Variants in AK7 observed in about 807,000 individuals in gnomAD.
AK7 encodes ATP-AMP transphosphorylase 7.
AK7 carries 78 observed loss-of-function variants against 96.6 expected under a neutral mutation model. The observed-to-expected ratio is 0.81, with a 90% CI of 0.67 to 0.97. The LOEUF (loss-of-function observed/expected upper bound fraction) is 0.97. Ranked by LOEUF, AK7 falls within the 50% of genes least tolerant of loss-of-function variation. The pLI is 0.00. For synonymous variants in AK7, 302 were observed against 317.2 expected, an observed-to-expected ratio of 0.95 and a Z score of 0.51; for missense variants, 855 against 887.9, an observed-to-expected ratio of 0.96 and a Z score of 0.47.
intron 17 of AK7, chr14:96,488,027 C>A: frequency 4.9e-6 from 2 of 406,224 alleles, no homozygotes; most frequent in African/African-American, 2.1e-5. Context: ...ATTCTCCTGC[C>A]TTAGCCTCCC....
At chr14:96,488,109 C>G (rs1252148746) in intron 17 of AK7, 196 bp from the exon 18 acceptor site, 1 of 448,998 alleles carries the variant, frequency 2.2e-6, no homozygotes, top group Non-Finnish European at 4.2e-6. Context: ...GAGGAAGTTT[C>G]ACCATGTTGA....
At chr14:96,440,046 A>G (rs886392246) in intron 6 of AK7, among the ~76,000 whole-genome samples, 34 of 152,136 alleles carry the variant, frequency 2.2e-4, no homozygotes, top group African/African-American at 8.2e-4. Flanking sequence ...TGCAATCTCA[A>G]CTCACTGCAA....
intron 4 of AK7, among the ~76,000 whole-genome samples, chr14:96,413,096 G>C (rs1215644866): frequency 6.6e-6 from 1 of 152,144 alleles, no homozygotes; most frequent in Non-Finnish European, 1.5e-5. Flanking sequence ...AGTTGGGAGG[G>C]AGTTGATTCT....
chr14:96,419,784 CTTTTCTTTTTTT>C (rs1891566257), intron 4 of AK7, among the ~76,000 whole-genome samples: 1 of 101,714 alleles, frequency 9.8e-6, no homozygotes, highest in African/African-American at 4.7e-5. Context: ...TTTTTTCTTT[CTTTTCTTTTTTT>C]TTTTTTTTTG....
chr14:96,467,077 T>C (rs55981844), intron 12 of AK7, among the ~76,000 whole-genome samples: 33,428 of 147,772 alleles, frequency 0.23, 4,661 homozygotes, highest in Non-Finnish European at 0.31. Context: ...AAGGTTCTCA[T>C]AAACACAAAC....
chr14:96,470,775 C>T (rs1894840030), intron 12 of AK7, among the ~76,000 whole-genome samples: 1 of 152,154 alleles, frequency 6.6e-6, no homozygotes, highest in Non-Finnish European at 1.5e-5. Context: ...AACATGAATG[C>T]TATCTCACAA....
At chr14:96,424,178 G>C (rs1377119611) in intron 5 of AK7, 1 of 603,680 alleles carries the variant, frequency 1.7e-6, no homozygotes, top group African/African-American at 1.9e-5. Context: ...CTTCCTGAAG[G>C]CTCCAGGGCC....
chr14:96,403,237 G>A (rs1457318085), intron 2 of AK7, among the ~76,000 whole-genome samples: 2 of 152,084 alleles, frequency 1.3e-5, no homozygotes, highest in Non-Finnish European at 2.9e-5. Flanking sequence ...ATGGCACACA[G>A]GTAGAACATC....
chr14:96,403,825 A>G (rs996418850), intron 2 of AK7, among the ~76,000 whole-genome samples: 1 of 152,156 alleles, frequency 6.6e-6, no homozygotes, highest in Admixed American at 6.6e-5. Flanking sequence ...ACTGGTATTC[A>G]TGCAGCAAGG....
At chr14:96,408,125 GAGTGGGAAGGGT>G (rs1248261949) in intron 3 of AK7, among the ~76,000 whole-genome samples, 1 of 152,214 alleles carries the variant, frequency 6.6e-6, no homozygotes, top group Non-Finnish European at 1.5e-5. Flanking sequence ...CCCAGGGGTG[GAGTGGGAAGGGT>G]GGGCACACCC....
intron 2 of AK7, 196 bp downstream of exon 2, chr14:96,398,459 A>G: frequency 1.6e-6 from 1 of 610,916 alleles, no homozygotes; most frequent in South Asian, 2.0e-5. Context: ...CAAAGCAAAG[A>G]GTTTAAATTA....
chr14:96,418,636 A>T (rs765862078), intron 4 of AK7, among the ~76,000 whole-genome samples: 5 of 152,032 alleles, frequency 3.3e-5, no homozygotes, highest in Admixed American at 6.6e-5. Context: ...CTCCTGCCTC[A>T]GCCTCCCGAG....
chr14:96,446,980 A>G (rs955573133), intron 8 of AK7, among the ~76,000 whole-genome samples: 3 of 152,154 alleles, frequency 2.0e-5, no homozygotes, highest in African/African-American at 7.2e-5. Context: ...AAATAAATTA[A>G]AAAGTTTTGC....
In AK7 at chr14:96,458,073, T is replaced by C; in HGVS notation, c.1228-10T>C. The C allele has an allele frequency of 6.2e-7, 1 of 1,611,770 alleles. No individual in the cohort carries two copies. The highest frequency in any genetic ancestry group is 8.5e-7 in the Non-Finnish European group (1 of 1,179,080). ...GCATCATCCAATGTGAATATCCCTG[T>C]GGTATGCAGGAGGCGATTGTTGCCC... On this transcript the variant is annotated splice_polypyrimidine_tract_variant and intron_variant, in intron 11 of 17. Transcript: ENST00000267584.
intron 6 of AK7, among the ~76,000 whole-genome samples, chr14:96,438,741 G>A (rs905603749): frequency 5.3e-5 from 8 of 152,182 alleles, no homozygotes; most frequent in Non-Finnish European, 1.0e-4. Flanking sequence ...TAAAAGGACA[G>A]CTTTCTCCTT....
intron 4 of AK7, among the ~76,000 whole-genome samples, chr14:96,412,045 G>A (rs187488073): frequency 1.1e-4 from 16 of 152,178 alleles, no homozygotes; most frequent in African/African-American, 3.4e-4. Flanking sequence ...TTTTAGAGAC[G>A]AAGTCTATAA....
intron 11 of AK7, 70 bp downstream of exon 11, chr14:96,456,545 A>G: frequency 6.5e-7 from 1 of 1,539,422 alleles, no homozygotes; most frequent in Non-Finnish European, 8.8e-7. Flanking sequence ...ATAAAGATGT[A>G]TATGATTCGA....
chr14:96,487,543 C>T (rs1895846957), intron 17 of AK7, among the ~76,000 whole-genome samples: 1 of 151,010 alleles, frequency 6.6e-6, no homozygotes, highest in Non-Finnish European at 1.5e-5. Flanking sequence ...ATTCTCCTGC[C>T]TCAGCCTCCT....
chr14:96,451,643 A>G, intron 10 of AK7, 73 bp downstream of exon 10: 2 of 1,311,866 alleles, frequency 1.5e-6, no homozygotes, highest in Non-Finnish European at 9.9e-7. Flanking sequence ...TGATGATGCC[A>G]ACGGAAGTAT....
Sources: allele counts gnomAD v4.1 joint callset (sites outside exome capture counted in the v4.1 genomes callset), GRCh38; gene constraint gnomAD v4.1.1; transcripts MANE v1.5; gene names NCBI Gene and HGNC (gene_info 2026-07-23, HGNC 2026-07-21).